TRPV3: variants seen among roughly 807,000 people sequenced by gnomAD.
TRPV3 encodes transient receptor potential cation channel subfamily V member 3.
A neutral mutation model predicts 87.1 loss-of-function variants in TRPV3; 88 were observed. That is an observed-to-expected ratio of 1.01 (90% CI 0.85 to 1.21). TRPV3 has a LOEUF of 1.21. Ranked by LOEUF, TRPV3 falls within the 50% of genes most tolerant of loss-of-function variation. The probability of loss-of-function intolerance (pLI) is 0.00; values close to 1 mark genes in which losing one functional copy is unlikely to be tolerated. For missense variants in TRPV3, 1,054 were observed against 1,030.1 expected (o/e 1.02, Z -0.32); for synonymous variants, 438 against 423.3 (o/e 1.03, Z -0.43).
chr17:3,523,444 C>T (rs2074264354), intron 13 of TRPV3, among the ~76,000 whole-genome samples: 1 of 152,066 alleles, frequency 6.6e-6, no homozygotes, highest in East Asian at 1.9e-4. Context: ...ATAGGCCTGG[C>T]GCGGTGGTTC....
chr17:3,535,461 C>T (rs2074400062), intron 7 of TRPV3, 112 bp downstream of exon 7: 1 of 1,083,342 alleles, frequency 9.2e-7, no homozygotes, highest in Non-Finnish European at 1.2e-6. Context: ...CTTCCTCCTT[C>T]CCTCTTTCTT....
intron 2 of TRPV3, among the ~76,000 whole-genome samples, chr17:3,548,763 T>G (rs2074547012): frequency 6.6e-6 from 1 of 152,192 alleles, no homozygotes; most frequent in African/African-American, 2.4e-5. Flanking sequence ...ATTTAAACCC[T>G]TGCCTGGGAA....
chr17:3,531,144 C>T (rs929589307), intron 8 of TRPV3, among the ~76,000 whole-genome samples: 5 of 152,144 alleles, frequency 3.3e-5, no homozygotes, highest in Admixed American at 2.0e-4. Context: ...GGGTGGGACC[C>T]AGGAGTCTGT....
In TRPV3 at chr17:3,538,395, C is replaced by G; in HGVS notation, c.644-2682G>C. ...GTGGTCAGGAAAATGAAAATTAGAA[C>G]CTAAAGAGTTAACCCTTTTCACCCA... is the stretch of plus-strand genomic sequence containing the variant. On this transcript the variant is annotated intron_variant, in intron 6 of 17. Transcript: ENST00000576742. Among the ~76,000 whole-genome samples the G allele has an allele frequency of 1.3e-5, 2 of 148,688 alleles. 1 individual carries two copies. The highest frequency in any genetic ancestry group is 4.3e-4 in the South Asian group (2 of 4,670).
intron 6 of TRPV3, among the ~76,000 whole-genome samples, chr17:3,537,442 A>T (rs901385040): frequency 6.6e-6 from 1 of 151,820 alleles, no homozygotes; most frequent in South Asian, 2.1e-4. Context: ...GCTTATTTTT[A>T]AAATTTTTTG....
intron 16 of TRPV3, among the ~76,000 whole-genome samples, chr17:3,515,164 A>G (rs4790506): frequency 0.79 from 119,698 of 152,146 alleles, 47,333 homozygotes; most frequent in Admixed American, 0.86. Flanking sequence ...TGTGACTTCA[A>G]TTCACACCCA....
intron 12 of TRPV3, among the ~76,000 whole-genome samples, chr17:3,525,047 TC>T (rs2074283675): frequency 6.6e-6 from 1 of 152,114 alleles, no homozygotes; most frequent in Admixed American, 6.6e-5. Context: ...AGAGACAGGG[TC>T]TTGCTCTGTC....
Position 3,528,248 on chromosome 17 carries a change from T to G in TRPV3, c.1402-122A>C. 1 of 681,168 alleles carries G rather than the reference T, an allele frequency of 1.5e-6. No individual in the cohort carries two copies. 42.2% of individuals were successfully genotyped at this position (681,168 alleles called of 1,614,324 possible). On this transcript the variant is annotated intron_variant, in intron 10 of 17. Coordinates refer to ENST00000576742, the MANE Select transcript of TRPV3 (RefSeq NM_145068.4). The surrounding 1 kb of genome is among the most constrained non-coding windows in gnomAD (Gnocchi z 4.2). ...CCGGGCCAGAGACCAGCATGAAACC[T>G]GATCTCTGTACAGGGCAAGAGAAGG...
In TRPV3 at chr17:3,554,756, G is replaced by C. The variant is rs115770751; in HGVS notation, c.95C>G (p.Ala32Gly). The change falls in exon 2 of 18, where the codon GCG (alanine) becomes GGG (glycine). Residue 32 changes from alanine (A) to glycine (G), a missense_variant. Coordinates refer to ENST00000576742, the MANE Select transcript of TRPV3 (RefSeq NM_145068.4). ...CCTCTTCTTTGTGGGGGTGATCTCCGCCGGCCTCTTCTCTGGCAGGATGGC... is the reference window on the plus strand; with the variant it reads ...CCTCTTCTTTGTGGGGGTGATCTCCCCCGGCCTCTTCTCTGGCAGGATGGC... ...NPAILPEKRP[A>G]EITPTKKSAH... is the part of the protein sequence containing the mutation. 4,049 of 1,612,180 alleles carry C rather than the reference G, an allele frequency of 2.5e-3. 83 individuals carry two copies. The African/African-American group carries it at 0.046, about 18-fold the overall frequency.
Position 3,530,234 on chromosome 17 carries a change from G to A in TRPV3, c.1066-31C>T, listed in dbSNP as rs776088769. The A allele has an allele frequency of 1.3e-6, 2 of 1,594,314 alleles. No homozygotes were observed. The highest frequency in any genetic ancestry group is 1.7e-6 in the Non-Finnish European group (2 of 1,168,846). ...ACAGGAGGAGGAACAACCATCAGCTGCAGAACAGGGGCTTAAGGCCAACAG... is the reference window on the plus strand; with the variant it reads ...ACAGGAGGAGGAACAACCATCAGCTACAGAACAGGGGCTTAAGGCCAACAG... On this transcript the variant is annotated intron_variant, in intron 8 of 17. Transcript: ENST00000576742. This position sits in a 1 kb window ranked among gnomAD's most constrained non-coding sequence, Gnocchi z 4.0.
rs11078458 is a variant in TRPV3, at chr17:3,542,607, T to C, written c.558A>G (p.Ile186Met). The C allele has an allele frequency of 6.2e-7, 1 of 1,613,706 alleles. No individual in the cohort carries two copies. The highest frequency in any genetic ancestry group is 8.5e-7 in the Non-Finnish European group (1 of 1,179,872). Residue 186 changes from isoleucine (I) to methionine (M), a missense_variant, in exon 6 of 18, where the codon ATA (isoleucine) becomes ATG (methionine). Transcript: ENST00000576742. ...CAGCAAAGGCAAGCAGGATCCGCAC[T>C]ATCTCCTTGGTGTTGGGGTTGATGT... ...LLNINPNTKE[I>M]VRILLAFAEE...
rs1597488476 is a variant in TRPV3 at position 3,544,572 on chromosome 17, G to T, written c.311+7C>A. The T allele has an allele frequency of 6.3e-7, 1 of 1,592,928 alleles. No homozygotes were observed. Among genetic ancestry groups the T allele is most frequent in the South Asian group, 1.1e-5 (1 of 89,062 alleles). ...CACAGTGGGTGGAGGGGGAGGGGCA[G>T]ACTTACCTGGGGCTGTTGGGATTGG... On this transcript the variant is annotated splice_region_variant and intron_variant, in intron 4 of 17. Transcript: ENST00000576742.
At position 3,530,228 on chromosome 17, in the gene TRPV3, T is replaced by A. The variant is rs1219983484; in HGVS notation, c.1066-25A>T. 1 of 1,598,138 alleles carries A rather than the reference T, an allele frequency of 6.3e-7. No individual in the cohort carries two copies. Among genetic ancestry groups the A allele is most frequent in the Admixed American group, 1.7e-5 (1 of 59,258 alleles). On this transcript the variant is annotated intron_variant, in intron 8 of 17. Coordinates refer to ENST00000576742, the MANE Select transcript of TRPV3 (RefSeq NM_145068.4). This position sits in a 1 kb window ranked among gnomAD's most constrained non-coding sequence, Gnocchi z 4.0. ...TCTGGGACAGGAGGAGGAACAACCA[T>A]CAGCTGCAGAACAGGGGCTTAAGGC...
At chr17:3,554,648 G>C in intron 2 of TRPV3, 84 bp downstream of exon 2, 1 of 967,874 alleles carries the variant, frequency 1.0e-6, no homozygotes, top group South Asian at 1.6e-5. Flanking sequence ...TCTCCCCAAG[G>C]CAAGGGCTCC....
intron 6 of TRPV3, among the ~76,000 whole-genome samples, chr17:3,538,070 T>C (rs544903920): frequency 1.8e-3 from 275 of 150,354 alleles, no homozygotes; most frequent in African/African-American, 4.1e-3. Flanking sequence ...TGATGGTGAG[T>C]GCCTGTAGTC....
chr17:3,545,288 G>A lies in TRPV3; in HGVS notation c.120-17C>T. 1 of 1,598,016 alleles carries A rather than the reference G, an allele frequency of 6.3e-7. No individual in the cohort carries two copies. The highest frequency in any genetic ancestry group is 8.6e-7 in the Non-Finnish European group (1 of 1,166,138). The stretch of plus-strand genomic sequence containing the variant: ...AAGTGTGCACTGAGGGAACACGGAG[G>A]AAGCCTGTTAGGGCCGAGCCAGGCA... On this transcript the variant is annotated splice_polypyrimidine_tract_variant and intron_variant, in intron 2 of 17. Coordinates refer to ENST00000576742, the MANE Select transcript of TRPV3 (RefSeq NM_145068.4).
At position 3,535,714 on chromosome 17, in the gene TRPV3, C is replaced by G; in HGVS notation, c.644-1G>C. 6.6e-7 allele frequency: 1 copy of G among 1,516,374 alleles called. No individual in the cohort carries two copies. The highest frequency in any genetic ancestry group is 8.8e-7 in the Non-Finnish European group (1 of 1,134,844). The allele number at this position is 1,516,374 out of a possible 1,614,324, so 93.9% of individuals were successfully genotyped here. On this transcript the variant is annotated splice_acceptor_variant, in intron 6 of 17. Transcript: ENST00000576742. LOFTEE classifies it high-confidence loss of function. ...ATGGCGATGTTCAGCGCCGTCTGCC[C>G]TGCGGAGCGGGCGGGGACGCGCGGG...
At chr17:3,544,041 C>T (rs1309783422) in intron 4 of TRPV3, among the ~76,000 whole-genome samples, 4 of 151,852 alleles carry the variant, frequency 2.6e-5, no homozygotes, top group African/African-American at 2.4e-5. Flanking sequence ...CAGAGTCTTG[C>T]TCTGTCACCC....
intron 6 of TRPV3, among the ~76,000 whole-genome samples, chr17:3,540,653 T>A (rs1181850923): frequency 6.6e-6 from 1 of 152,146 alleles, no homozygotes; most frequent in Non-Finnish European, 1.5e-5. Context: ...AAGGGAAACA[T>A]GTTGCTAGCA....
Sources: allele counts gnomAD v4.1 joint callset (sites outside exome capture counted in the v4.1 genomes callset), GRCh38; gene constraint gnomAD v4.1.1; non-coding constraint Gnocchi (gnomAD v3.1); transcripts MANE v1.5; gene names NCBI Gene and HGNC (gene_info 2026-07-23, HGNC 2026-07-21).